PROX1: variants seen among roughly 807,000 people sequenced by gnomAD.
PROX1 encodes prospero homeobox protein 1.
Under a neutral mutation model 58.8 loss-of-function variants are expected in PROX1, and 7 were observed. The ratio of observed to expected loss-of-function variants is 0.12; its 90% CI spans 0.07 to 0.22. The LOEUF (loss-of-function observed/expected upper bound fraction) is 0.22, where lower values mean the gene tolerates loss of function less well. Ranked by LOEUF, PROX1 falls within the 10% of genes least tolerant of loss-of-function variation. PROX1 has a pLI of 1.00. For synonymous variants in PROX1, 350 were observed against 358.3 expected (o/e 0.98, Z 0.26); for missense variants, 675 against 927.8 (o/e 0.73, Z 3.54).
chr1:214,004,101 G>A (rs1453859080), intron 2 of PROX1, among the ~76,000 whole-genome samples: 2 of 152,112 alleles, frequency 1.3e-5, no homozygotes, highest in African/African-American at 2.4e-5. Context: ...ACCTTGTGGG[G>A]GACCACATTG....
rs532888401 is a variant in PROX1, at chr1:214,035,992, T to C, written c.*158T>C. 15 of 597,992 alleles carry C rather than the reference T, an allele frequency of 2.5e-5. No homozygotes were observed. In the Admixed American group the frequency reaches 3.6e-4, roughly 14 times the overall value. The allele number at this position is 597,992 out of a possible 1,614,324, so 37.0% of individuals were successfully genotyped here. A position where few individuals can be genotyped will look rare whatever the true frequency, so the allele number is the denominator to read the frequency against. ...ATTCCTCCTCATCACGTTTCTCTCA[T>C]TTTCTTTTGTTTTCCATTGCAAGGG... On this transcript the variant is annotated 3_prime_UTR_variant, in exon 5 of 5. Coordinates refer to ENST00000366958, the MANE Select transcript of PROX1 (RefSeq NM_001270616.2).
intron 3 of PROX1, among the ~76,000 whole-genome samples, chr1:214,010,730 C>A (rs1663879314): frequency 1.3e-5 from 2 of 152,136 alleles, no homozygotes; most frequent in African/African-American, 4.8e-5. Flanking sequence ...AGTTTTAAGG[C>A]CTAACCATGT....
intron 4 of PROX1, among the ~76,000 whole-genome samples, chr1:214,032,129 C>T (rs1181204290): frequency 6.6e-6 from 1 of 152,160 alleles, no homozygotes; most frequent in East Asian, 1.9e-4. Context: ...TTTGAAGTTA[C>T]TAGATTCTCT....
rs2102796687 is a variant in PROX1 at position 214,039,368 on chromosome 1, TTTAA to T, written c.*3539_*3542del. ...GTTTGCTTTGTGCCTCCGAGTATTA[TTTAA>T]TTAAAGAAGTGTTTTATGTTTGCAG... is the stretch of plus-strand genomic sequence containing the variant. On this transcript the variant is annotated 3_prime_UTR_variant, in exon 5 of 5. Coordinates refer to ENST00000366958, the MANE Select transcript of PROX1 (RefSeq NM_001270616.2). 6.6e-6 allele frequency: 1 copy of T among 152,296 alleles called. No homozygotes were observed. The highest frequency in any genetic ancestry group is 6.5e-5 in the Admixed American group (1 of 15,292). The allele number at this position is 152,296 out of a possible 1,614,324, so 9.4% of individuals were successfully genotyped here.
At position 213,996,803 on chromosome 1, in the gene PROX1, G is replaced by A. The variant is rs780125364; in HGVS notation, c.268G>A (p.Ala90Thr). ...YEDAMMPFPG[A>T]TIISQLLKNN... ...AGATGCCATGATGCCTTTTCCAGGAGCAACCATAATTTCCCAGCTGTTGAA... is the reference window on the plus strand; with the variant it reads ...AGATGCCATGATGCCTTTTCCAGGAACAACCATAATTTCCCAGCTGTTGAA... Residue 90 changes from alanine to threonine, a missense_variant, in exon 2 of 5, where the codon GCA (alanine) becomes ACA (threonine). Physicochemically the swap from Ala to Thr is moderately conservative, Grantham distance 58. This residue lies in a region of PROX1 where 157 missense variants were observed against 197.8 expected (regional missense o/e 0.79). Coordinates refer to ENST00000366958, the MANE Select transcript of PROX1 (RefSeq NM_001270616.2). The A allele has an allele frequency of 1.2e-6, 2 of 1,614,044 alleles. No individual in the cohort carries two copies. The highest frequency in any genetic ancestry group is 4.5e-5 in the East Asian group (2 of 44,898).
chr1:214,025,681 G>C (rs895223661), intron 4 of PROX1, among the ~76,000 whole-genome samples: 1 of 63,818 alleles, frequency 1.6e-5, no homozygotes, highest in Non-Finnish European at 3.3e-5. Context: ...TTTTTTTTTT[G>C]AGATGGAGTC....
At chr1:213,983,718 C>T (rs1662755443), upstream of PROX1, 1 of 152,318 alleles carries the variant, frequency 6.6e-6, no homozygotes, top group Non-Finnish European at 1.5e-5. Flanking sequence ...CGAAGGCATC[C>T]CCTCCGTTTC....
chr1:214,004,657 G>C (rs1057413713), intron 2 of PROX1, among the ~76,000 whole-genome samples: 45 of 152,090 alleles, frequency 3.0e-4, no homozygotes, highest in South Asian at 6.2e-4. Context: ...AACACTAAAA[G>C]GTAAAATGTG....
chr1:214,030,578 A>C (rs1487885044), intron 4 of PROX1: 1 of 152,352 alleles, frequency 6.6e-6, no homozygotes, highest in Non-Finnish European at 1.5e-5. Flanking sequence ...TGGAGAACTG[A>C]GCAAGGGGCA....
At chr1:214,000,455 A>G (rs1663463742) in intron 2 of PROX1, among the ~76,000 whole-genome samples, 1 of 152,182 alleles carries the variant, frequency 6.6e-6, no homozygotes, top group South Asian at 2.1e-4. Context: ...TCTTCTATCA[A>G]CATAACTTTC....
intron 4 of PROX1, among the ~76,000 whole-genome samples, chr1:214,020,640 T>A (rs1009530937): frequency 2.6e-5 from 4 of 152,358 alleles, no homozygotes; most frequent in Non-Finnish European, 4.4e-5. Context: ...AATTGGTATG[T>A]TTAATTTTCC....
At chr1:214,006,056 G>A (rs1663697855) in intron 3 of PROX1, among the ~76,000 whole-genome samples, 1 of 151,998 alleles carries the variant, frequency 6.6e-6, no homozygotes, top group Non-Finnish European at 1.5e-5. Flanking sequence ...CATAGATTGG[G>A]TTTTGATGAT....
chr1:214,012,098 A>G (rs1663929909), intron 4 of PROX1, among the ~76,000 whole-genome samples: 1 of 152,218 alleles, frequency 6.6e-6, no homozygotes, highest in Non-Finnish European at 1.5e-5. Flanking sequence ...GAGCTGATAC[A>G]TGCTATGTGC....
intron 1 of PROX1, among the ~76,000 whole-genome samples, chr1:213,991,711 T>C (rs913526759): frequency 6.6e-6 from 1 of 152,242 alleles, no homozygotes; most frequent in Non-Finnish European, 1.5e-5. Flanking sequence ...AAACCTAAGC[T>C]GGCTTATTCT....
intron 3 of PROX1, among the ~76,000 whole-genome samples, chr1:214,010,507 C>T (rs1243787543): frequency 6.6e-6 from 1 of 151,914 alleles, no homozygotes; most frequent in African/African-American, 2.4e-5. Context: ...TTCTGGGGGC[C>T]CAGGGAAGGG....
intron 1 of PROX1, among the ~76,000 whole-genome samples, chr1:213,993,445 TC>T (rs1663109855): frequency 6.6e-6 from 1 of 152,232 alleles, no homozygotes; most frequent in Non-Finnish European, 1.5e-5. Context: ...ATAAAGTCAT[TC>T]CATGGCTTCC....
chr1:214,013,410 C>A (rs905353516), intron 4 of PROX1, among the ~76,000 whole-genome samples: 1 of 152,130 alleles, frequency 6.6e-6, no homozygotes, highest in Admixed American at 6.5e-5. Flanking sequence ...TAAGAGACTT[C>A]TGTGTGCTAG....
upstream of PROX1, chr1:213,984,675 C>A (rs1662780084): frequency 6.5e-6 from 1 of 152,912 alleles, no homozygotes; most frequent in South Asian, 2.1e-4. Context: ...CAGGCCTGCA[C>A]CCTGGGGTTG....
chr1:213,984,252 T>C (rs4140385), upstream of PROX1: 5,767 of 152,354 alleles, frequency 0.038, 271 homozygotes, highest in East Asian at 0.26. Flanking sequence ...GGTCAACTTA[T>C]TGTAATTAGC....
Sources: allele counts gnomAD v4.1 joint callset (sites outside exome capture counted in the v4.1 genomes callset), GRCh38; gene constraint gnomAD v4.1.1; regional missense constraint gnomAD v4.1.1; transcripts MANE v1.5; gene names NCBI Gene and HGNC (gene_info 2026-07-23, HGNC 2026-07-21).